ZFP64: variants seen among roughly 807,000 people sequenced by gnomAD.
ZFP64 encodes ZFP64 zinc finger protein.
Under a neutral mutation model 51.6 loss-of-function variants are expected in ZFP64, and 14 were observed. The observed-to-expected ratio is 0.27, with a 90% CI of 0.18 to 0.42. ZFP64 has a LOEUF of 0.42. Ranked by LOEUF, ZFP64 falls within the 10% of genes least tolerant of loss-of-function variation. ZFP64 has a pLI of 1.00. For synonymous variants in ZFP64, 375 were observed against 361.4 expected, an observed-to-expected ratio of 1.04 and a Z score of -0.43; for missense variants, 754 against 906.8, an observed-to-expected ratio of 0.83 and a Z score of 2.16.
chr20:52,173,700 G>A (rs915872223), intron 2 of ZFP64, among the ~76,000 whole-genome samples: 8 of 151,142 alleles, frequency 5.3e-5, no homozygotes, highest in African/African-American at 1.9e-4. Flanking sequence ...CCAGGCTGAA[G>A]TGCAGTGGTG....
chr20:52,161,749 T>A (rs1336935107), intron 4 of ZFP64, among the ~76,000 whole-genome samples: 3 of 152,066 alleles, frequency 2.0e-5, no homozygotes, highest in African/African-American at 7.2e-5. Flanking sequence ...CATGGAAAAA[T>A]TAAATGTGTG....
At chr20:52,140,880 C>T (rs1980220994) in intron 5 of ZFP64, among the ~76,000 whole-genome samples, 1 of 152,146 alleles carries the variant, frequency 6.6e-6, no homozygotes, top group South Asian at 2.1e-4. Context: ...AAAGGATAGG[C>T]TGACTTTCTT....
At chr20:52,110,960 C>T in intron 5 of ZFP64, 4 of 1,528,494 alleles carry the variant, frequency 2.6e-6, no homozygotes, top group East Asian at 2.2e-5. Context: ...TTGAACTTCA[C>T]CAAGACGAAC....
chr20:52,107,754 C>A (rs1369871904), intron 5 of ZFP64, among the ~76,000 whole-genome samples: 1 of 152,224 alleles, frequency 6.6e-6, no homozygotes, highest in Non-Finnish European at 1.5e-5. Context: ...AGTTTCTTCA[C>A]CTACTCTCCT....
At chr20:52,129,707 C>CTCCTCATGGTGCCTGCTTCTGT (rs1332532582) in intron 5 of ZFP64, among the ~76,000 whole-genome samples, 15 of 152,148 alleles carry the variant, frequency 9.9e-5, no homozygotes, top group African/African-American at 3.6e-4. Flanking sequence ...TTCCCAGATG[C>CTCCTCATGGTGCCTGCTTCTGT]TCCTCATGGT....
chr20:52,104,552 A>C (rs1600709993), intron 5 of ZFP64: 4 of 361,432 alleles, frequency 1.1e-5, no homozygotes, highest in Admixed American at 7.3e-5. Context: ...TGCCCCCATC[A>C]CCTCTCGGGC....
intron 2 of ZFP64, among the ~76,000 whole-genome samples, chr20:52,181,151 C>T (rs1295351645): frequency 1.3e-5 from 2 of 152,142 alleles, no homozygotes; most frequent in African/African-American, 4.8e-5. Context: ...ACCACATTGG[C>T]CAGGCTGGTC....
chr20:52,188,993 T>A (rs1984179782), intron 1 of ZFP64, among the ~76,000 whole-genome samples: 1 of 151,784 alleles, frequency 6.6e-6, no homozygotes, highest in South Asian at 2.1e-4. Flanking sequence ...AAAAAAAAGA[T>A]AACTCGTGTT....
At chr20:52,140,441 A>G (rs553662591) in intron 5 of ZFP64, among the ~76,000 whole-genome samples, 1 of 152,366 alleles carries the variant, frequency 6.6e-6, no homozygotes, top group East Asian at 1.9e-4. Context: ...ATGATAAGAA[A>G]GTGAAACAGC....
At chr20:52,107,655 T>A (rs1380816186) in intron 5 of ZFP64, among the ~76,000 whole-genome samples, 1 of 152,240 alleles carries the variant, frequency 6.6e-6, no homozygotes, top group Non-Finnish European at 1.5e-5. Context: ...TTTTTTTCAC[T>A]TAATATTATT....
In ZFP64 at chr20:52,153,025, G is replaced by C. The variant is rs1211193038; in HGVS notation, c.1167C>G (p.His389Gln). The C allele has an allele frequency of 6.2e-7, 1 of 1,613,950 alleles. No individual in the cohort carries two copies. Among genetic ancestry groups the C allele is most frequent in the Non-Finnish European group, 8.5e-7 (1 of 1,180,040 alleles). The change falls in exon 6 of 6, where the codon CAC becomes CAG. Residue 389 changes from histidine to glutamine, a missense_variant. Coordinates refer to ENST00000216923, the MANE Select transcript of ZFP64 (RefSeq NM_018197.3). This position sits in a 1 kb window ranked among gnomAD's most constrained non-coding sequence, Gnocchi z 5.1. Reference protein sequence around the residue: ...DTKQPSNLSKHMKKFHGDMVK... With the variant: ...DTKQPSNLSKQMKKFHGDMVK... Reference sequence around the variant, plus strand: ...CCATGTCCCCATGGAACTTCTTCATGTGCTTGCTCAGGTTGCTGGGCTGTT... The same window carrying C: ...CCATGTCCCCATGGAACTTCTTCATCTGCTTGCTCAGGTTGCTGGGCTGTT...
chr20:52,094,714 C>G (rs894146937), intron 7 of ZFP64, among the ~76,000 whole-genome samples: 1 of 151,902 alleles, frequency 6.6e-6, no homozygotes, highest in Non-Finnish European at 1.5e-5. Flanking sequence ...GCCTGGGTGA[C>G]AGAGCAAGAG....
chr20:52,098,029 A>G (rs2079009541), intron 6 of ZFP64, among the ~76,000 whole-genome samples: 1 of 152,042 alleles, frequency 6.6e-6, no homozygotes, highest in African/African-American at 2.4e-5. Flanking sequence ...TGATCACACC[A>G]CTATACTCCA....
intron 5 of ZFP64, among the ~76,000 whole-genome samples, chr20:52,130,495 T>G (rs1187014677): frequency 6.6e-6 from 1 of 152,178 alleles, no homozygotes; most frequent in Non-Finnish European, 1.5e-5. Flanking sequence ...ATTACAGATA[T>G]GAGCCACTGC....
chr20:52,154,839 T>C (rs556305341), intron 5 of ZFP64, among the ~76,000 whole-genome samples: 12 of 152,302 alleles, frequency 7.9e-5, no homozygotes, highest in Middle Eastern at 3.4e-3. Context: ...CCTGCCATAA[T>C]GGTAGGGGTG....
chr20:52,112,177 TC>T (rs1978632565), intron 5 of ZFP64, among the ~76,000 whole-genome samples: 1 of 152,022 alleles, frequency 6.6e-6, no homozygotes, highest in African/African-American at 2.4e-5. Flanking sequence ...GTGTTCTGTG[TC>T]CCATTTTTCT....
chr20:52,178,040 A>G (rs1012639964), intron 2 of ZFP64, among the ~76,000 whole-genome samples: 3 of 151,822 alleles, frequency 2.0e-5, no homozygotes, highest in African/African-American at 7.3e-5. Flanking sequence ...TCAAAAAAAA[A>G]AAAAAAGAAA....
chr20:52,175,280 G>A (rs1426787330), intron 2 of ZFP64, among the ~76,000 whole-genome samples: 3 of 152,012 alleles, frequency 2.0e-5, no homozygotes, highest in African/African-American at 7.3e-5. Flanking sequence ...GCGCCACCAC[G>A]CCCAGCTAAT....
rs2078853744 is a variant in ZFP64, at chr20:52,085,388, C to T, written c.1229-122G>A. On this transcript the variant is annotated intron_variant, in intron 8 of 8. Coordinates refer to the ZFP64 transcript ENST00000361387. This position sits in a 1 kb window ranked among gnomAD's most constrained non-coding sequence, Gnocchi z 4.3. ...GGGTTTTGTGAACTCTAAACCCAAC[C>T]TCCTAATGACAACACTTGTTGTGCA... 1 of 1,016,214 alleles carries T rather than the reference C, an allele frequency of 9.8e-7. No homozygotes were observed. The highest frequency in any genetic ancestry group is 1.4e-6 in the Non-Finnish European group (1 of 708,432). 62.9% of individuals were successfully genotyped at this position (1,016,214 alleles called of 1,614,324 possible).
Sources: allele counts gnomAD v4.1 joint callset (sites outside exome capture counted in the v4.1 genomes callset), GRCh38; gene constraint gnomAD v4.1.1; non-coding constraint Gnocchi (gnomAD v3.1); transcripts MANE v1.5; gene names NCBI Gene and HGNC (gene_info 2026-07-23, HGNC 2026-07-21).